Variants in BRAF observed in about 807,000 individuals in gnomAD.
The protein encoded by BRAF is B-Raf proto-oncogene, serine/threonine kinase, also known as serine/threonine-protein kinase B-raf.
In BRAF, 16 loss-of-function variants were observed where a neutral mutation model predicts 104.6. The ratio of observed to expected loss-of-function variants is 0.15; its 90% CI spans 0.10 to 0.23. The LOEUF is 0.23. Ranked by LOEUF, BRAF falls within the 10% of genes least tolerant of loss-of-function variation. The pLI, the probability that BRAF is intolerant of heterozygous loss-of-function variation, is 1.00. For missense variants in BRAF, 541 were observed against 937.3 expected (o/e 0.58, Z 5.52); for synonymous variants, 310 against 341.6 (o/e 0.91, Z 1.02).
At chr7:140,911,756 T>A (rs535647370) in intron 1 of BRAF, among the ~76,000 whole-genome samples, 140 of 152,240 alleles carry the variant, frequency 9.2e-4, no homozygotes, top group Non-Finnish European at 1.7e-3. Flanking sequence ...ATGAAGAAAA[T>A]TTTTTTAAAA....
At chr7:140,780,866 A>G (rs531021251) in intron 12 of BRAF, 1 of 152,318 alleles carries the variant, frequency 6.6e-6, no homozygotes, top group African/African-American at 2.4e-5. Context: ...CTATTTTTTG[A>G]ATTTGCAATT....
chr7:140,771,006 A>G (rs190875417), intron 14 of BRAF, among the ~76,000 whole-genome samples: 158 of 152,070 alleles, frequency 1.0e-3, no homozygotes, highest in African/African-American at 3.7e-3. Flanking sequence ...GAGTGAGTTT[A>G]TAATTATCTA....
chr7:140,810,411 A>C (rs961187262), intron 3 of BRAF, among the ~76,000 whole-genome samples: 1 of 152,144 alleles, frequency 6.6e-6, no homozygotes, highest in African/African-American at 2.4e-5. Flanking sequence ...TCTACTAAAA[A>C]ACACAAAAAG....
intron 3 of BRAF, among the ~76,000 whole-genome samples, chr7:140,824,944 T>TTTGTCCGTTTTTAA (rs985324757): frequency 1.3e-5 from 2 of 151,920 alleles, no homozygotes; most frequent in Non-Finnish European, 2.9e-5. Flanking sequence ...GTTCAAATCC[T>TTTGTCCGTTTTTAA]TTGTCCGTTT....
chr7:140,908,300 A>G (rs573343156), intron 1 of BRAF, among the ~76,000 whole-genome samples: 21 of 152,302 alleles, frequency 1.4e-4, no homozygotes, highest in African/African-American at 2.2e-4. Flanking sequence ...AGAATTCTAC[A>G]TATATATTAC....
At chr7:140,787,225 C>T (rs561415489) in intron 9 of BRAF, among the ~76,000 whole-genome samples, 3 of 140,900 alleles carry the variant, frequency 2.1e-5, no homozygotes, top group Non-Finnish European at 3.0e-5. Context: ...GGCGTGAACC[C>T]GGGAGGCGGA....
chr7:140,789,780 G>A (rs376408822), intron 8 of BRAF, among the ~76,000 whole-genome samples: 3 of 152,326 alleles, frequency 2.0e-5, no homozygotes, highest in African/African-American at 7.2e-5. Flanking sequence ...ACCCAGGCTG[G>A]AGTGCAATGG....
chr7:140,868,170 G>A (rs985632025), intron 1 of BRAF, among the ~76,000 whole-genome samples: 1 of 152,176 alleles, frequency 6.6e-6, no homozygotes, highest in African/African-American at 2.4e-5. Context: ...ATTGACCCAA[G>A]CAGTGGTTGT....
At chr7:140,896,872 A>G (rs1265438022) in intron 1 of BRAF, among the ~76,000 whole-genome samples, 2 of 150,922 alleles carry the variant, frequency 1.3e-5, no homozygotes, top group Non-Finnish European at 3.0e-5. Context: ...TCAAAAAAAA[A>G]AAAAAAAAAA....
In BRAF at chr7:140,725,885, T is replaced by A; in HGVS notation, c.*609A>T. On this transcript the variant is annotated 3_prime_UTR_variant, in exon 20 of 20. Coordinates refer to ENST00000644969, the MANE Select transcript of BRAF (RefSeq NM_001374258.1). ...CCCTTTTCCTCCATACCAAGACACA[T>A]CTACTCACCACTCAGCCTCCATTTA... 9.4e-7 allele frequency: 1 copy of A among 1,062,548 alleles called. No homozygotes were observed. The highest frequency in any genetic ancestry group is 1.1e-6 in the Non-Finnish European group (1 of 877,624). 65.8% of individuals were successfully genotyped at this position (1,062,548 alleles called of 1,614,324 possible).
intron 1 of BRAF, among the ~76,000 whole-genome samples, chr7:140,868,693 T>C (rs1056627814): frequency 6.6e-6 from 1 of 152,178 alleles, no homozygotes; most frequent in African/African-American, 2.4e-5. Flanking sequence ...ACCTCCGCAC[T>C]GTACACTTTA....
intron 1 of BRAF, among the ~76,000 whole-genome samples, chr7:140,910,843 T>C (rs1816888728): frequency 6.6e-6 from 1 of 151,894 alleles, no homozygotes; most frequent in Admixed American, 6.6e-5. Flanking sequence ...CAGCTAATTT[T>C]TTGTAGAGAC....
chr7:140,860,158 A>G (rs958822659), intron 1 of BRAF, among the ~76,000 whole-genome samples: 3 of 152,194 alleles, frequency 2.0e-5, no homozygotes, highest in South Asian at 4.1e-4. Flanking sequence ...ACAGAGGCAC[A>G]GGTATTTATT....
chr7:140,817,817 T>C (rs1364472104), intron 3 of BRAF, among the ~76,000 whole-genome samples: 3 of 152,102 alleles, frequency 2.0e-5, no homozygotes, highest in Admixed American at 6.5e-5. Context: ...CTGTTTGTCA[T>C]AACAAAAAAA....
chr7:140,807,828 C>A, intron 5 of BRAF, 132 bp downstream of exon 5: 2 of 646,500 alleles, frequency 3.1e-6, no homozygotes, highest in Admixed American at 2.8e-5. Flanking sequence ...TTAAAGAAAA[C>A]AACTGATTTC....
At chr7:140,862,446 GAATA>G (rs1810520727) in intron 1 of BRAF, among the ~76,000 whole-genome samples, 1 of 152,102 alleles carries the variant, frequency 6.6e-6, no homozygotes, top group African/African-American at 2.4e-5. Context: ...GAAGAAAATA[GAATA>G]AATAAAGATT....
intron 14 of BRAF, among the ~76,000 whole-genome samples, chr7:140,759,012 A>G (rs1798439269): frequency 6.6e-6 from 1 of 152,354 alleles, no homozygotes; most frequent in East Asian, 1.9e-4. Context: ...AATTTCATAT[A>G]AACAGAATCA....
At chr7:140,914,374 T>G (rs1817345033) in intron 1 of BRAF, among the ~76,000 whole-genome samples, 1 of 152,156 alleles carries the variant, frequency 6.6e-6, no homozygotes, top group Admixed American at 6.5e-5. Context: ...ACTGTTAGTA[T>G]GAGAAGGCAT....
downstream of BRAF, among the ~76,000 whole-genome samples, chr7:140,715,692 G>A (rs1392557617): frequency 6.6e-6 from 1 of 152,164 alleles, no homozygotes; most frequent in Non-Finnish European, 1.5e-5. Flanking sequence ...ACCTCCACCC[G>A]CTGTATAGCA....
Sources: gnomAD v4.1 joint callset for allele counts (sites outside exome capture counted in the v4.1 genomes callset) on GRCh38, gnomAD v4.1.1 for gene constraint, MANE v1.5 for transcripts, NCBI Gene and HGNC (gene_info 2026-07-23, HGNC 2026-07-21) for gene names.